ATAD2B: variants seen among roughly 807,000 people sequenced by gnomAD.
ATAD2B encodes the protein ATPase family AAA domain-containing protein 2B.
In ATAD2B, 40 loss-of-function variants were observed where a neutral mutation model predicts 167.6. The ratio of observed to expected loss-of-function variants is 0.24; its 90% CI spans 0.19 to 0.31. The LOEUF (loss-of-function observed/expected upper bound fraction) is 0.31, where lower values mean the gene tolerates loss of function less well. Ranked by LOEUF, ATAD2B falls within the 10% of genes least tolerant of loss-of-function variation. The pLI is 1.00. For synonymous variants in ATAD2B, 579 were observed against 596.5 expected, an observed-to-expected ratio of 0.97 and a Z score of 0.43; for missense variants, 1,242 against 1,757.2, an observed-to-expected ratio of 0.71 and a Z score of 5.24.
At chr2:23,687,842 G>A in the ATAD2B span, among the ~76,000 whole-genome samples, 1 of 152,164 alleles carries the variant, frequency 6.6e-6, no homozygotes, top group Non-Finnish European at 1.5e-5. Context: ...GCTGGAGGGA[G>A]GCTAGACCTG....
chr2:23,827,633 G>GTTTT (rs1246993680), intron 15 of ATAD2B, among the ~76,000 whole-genome samples: 6 of 152,230 alleles, frequency 3.9e-5, no homozygotes, highest in African/African-American at 1.4e-4. Context: ...TTCAAAAAGG[G>GTTTT]AAAAGACTGG....
chr2:23,738,828 AG>A, the ATAD2B span, among the ~76,000 whole-genome samples: 1 of 152,228 alleles, frequency 6.6e-6, no homozygotes, highest in African/African-American at 2.4e-5. Context: ...AGACACACAT[AG>A]GCTCAAAATA....
At chr2:23,920,713 A>C (rs1054253575) in intron 1 of ATAD2B, among the ~76,000 whole-genome samples, 18 of 152,208 alleles carry the variant, frequency 1.2e-4, no homozygotes, top group African/African-American at 4.3e-4. Context: ...TGCTCAAAAA[A>C]AAAATCTAAC....
chr2:23,711,143 AGG>A, the ATAD2B span, among the ~76,000 whole-genome samples: 8 of 152,144 alleles, frequency 5.3e-5, no homozygotes, highest in Admixed American at 4.6e-4. Context: ...ATCTAAAGAT[AGG>A]TAAGATGTGT....
intron 10 of ATAD2B, among the ~76,000 whole-genome samples, chr2:23,866,764 A>G (rs953406493): frequency 3.8e-4 from 58 of 152,234 alleles, no homozygotes; most frequent in Non-Finnish European, 7.9e-4. Context: ...GTATATATGC[A>G]ATTCTATTTG....
the ATAD2B span, among the ~76,000 whole-genome samples, chr2:23,709,762 C>T: frequency 6.0e-4 from 92 of 152,248 alleles, no homozygotes; most frequent in East Asian, 0.016. Flanking sequence ...TGCAGTGATA[C>T]CTTCAGTCCT....
intron 1 of ATAD2B, among the ~76,000 whole-genome samples, chr2:23,909,863 G>C (rs1283861630): frequency 6.6e-6 from 1 of 151,244 alleles, no homozygotes; most frequent in East Asian, 1.9e-4. Flanking sequence ...TTTTTTGTTT[G>C]TTTTTGTTTT....
chr2:23,915,953 A>G (rs986498936), intron 1 of ATAD2B, among the ~76,000 whole-genome samples: 3 of 152,194 alleles, frequency 2.0e-5, no homozygotes, highest in African/African-American at 7.2e-5. Context: ...ATAAACCACA[A>G]AAATATGCTA....
At chr2:23,775,805 TC>T (rs1304654420) in intron 22 of ATAD2B, among the ~76,000 whole-genome samples, 1 of 152,116 alleles carries the variant, frequency 6.6e-6, no homozygotes, top group Non-Finnish European at 1.5e-5. Flanking sequence ...CGATGATGAC[TC>T]CCAACCATAT....
chr2:23,879,310 A>G (rs533921749), intron 7 of ATAD2B, among the ~76,000 whole-genome samples: 1 of 114,394 alleles, frequency 8.7e-6, no homozygotes, highest in Non-Finnish European at 2.0e-5. Flanking sequence ...TCAGCAAAAG[A>G]AAAAAAAAAA....
At chr2:23,870,208 GAA>G (rs11301038) in intron 8 of ATAD2B, among the ~76,000 whole-genome samples, 66 of 123,878 alleles carry the variant, frequency 5.3e-4, no homozygotes, top group Admixed American at 8.6e-4. Context: ...CTCCTTCTCG[GAA>G]AAAAAAAAAA....
intron 17 of ATAD2B, among the ~76,000 whole-genome samples, chr2:23,814,201 T>C (rs1274827330): frequency 6.6e-6 from 1 of 152,176 alleles, no homozygotes; most frequent in African/African-American, 2.4e-5. Flanking sequence ...AAAACCTCCA[T>C]GGGCAAAGGA....
At chr2:23,791,185 T>G (rs1396833057) in intron 19 of ATAD2B, among the ~76,000 whole-genome samples, 1 of 152,256 alleles carries the variant, frequency 6.6e-6, no homozygotes, top group Non-Finnish European at 1.5e-5. Context: ...ATTCACCAAT[T>G]AAGGAACATT....
At chr2:23,925,036 C>T (rs1264504317) in intron 1 of ATAD2B, among the ~76,000 whole-genome samples, 1 of 152,146 alleles carries the variant, frequency 6.6e-6, no homozygotes, top group African/African-American at 2.4e-5. Flanking sequence ...AATGCTTACA[C>T]CCTAAATATT....
intron 8 of ATAD2B, chr2:23,872,563 C>T (rs2150120952): frequency 9.0e-7 from 1 of 1,110,766 alleles, no homozygotes; most frequent in East Asian, 2.4e-5. Flanking sequence ...AGGAGGGTAG[C>T]TGATCCTCCG....
chr2:23,724,781 C>T, the ATAD2B span, among the ~76,000 whole-genome samples: 11 of 152,036 alleles, frequency 7.2e-5, no homozygotes, highest in Admixed American at 2.0e-4. Context: ...CGGTGGCTCA[C>T]GCCTGTAATC....
chr2:23,886,090 A>G (rs1038514220), intron 4 of ATAD2B, among the ~76,000 whole-genome samples: 3 of 152,086 alleles, frequency 2.0e-5, no homozygotes, highest in African/African-American at 4.8e-5. Flanking sequence ...GACTACAGGC[A>G]TGCACTACCA....
At position 23,857,449 on chromosome 2, in the gene ATAD2B, G is replaced by T; in HGVS notation, c.1534C>A (p.Pro512Thr). The change falls in exon 13 of 28, where the codon CCA (proline) becomes ACA (threonine). Residue 512 changes from proline to threonine, a missense_variant. Physicochemically the swap from Pro to Thr is conservative, Grantham distance 38. Around this residue, in one of 9 missense-constraint regions of ATAD2B, gnomAD observed 151 missense variants for 284.1 expected, o/e 0.53. Coordinates refer to ENST00000238789, the MANE Select transcript of ATAD2B (RefSeq NM_017552.4). ...IFFDEIDGLA[P>T]VRSSRQDQIH... ...TGATCTTGTCTGCTAGAGCGAACTG[G>T]AGCTAATCCATCTATTTCATCAAAA... 6.6e-7 allele frequency: 1 copy of T among 1,518,226 alleles called. No individual in the cohort carries two copies. The highest frequency in any genetic ancestry group is 8.8e-7 in the Non-Finnish European group (1 of 1,139,852). 94.0% of individuals were successfully genotyped at this position (1,518,226 alleles called of 1,614,324 possible).
the ATAD2B span, among the ~76,000 whole-genome samples, chr2:23,716,397 G>C: frequency 3.3e-3 from 508 of 152,220 alleles, 3 homozygotes; most frequent in African/African-American, 0.012. Flanking sequence ...ATAATTTATA[G>C]AGATCAGGTA....
Sources: allele counts gnomAD v4.1 joint callset (sites outside exome capture counted in the v4.1 genomes callset), GRCh38; gene constraint gnomAD v4.1.1; regional missense constraint gnomAD v4.1.1; transcripts MANE v1.5; gene names NCBI Gene and HGNC (gene_info 2026-07-23, HGNC 2026-07-21).